The following LRMDA variants were observed in gnomAD, a reference collection of about 807,000 sequenced individuals.
The protein encoded by LRMDA is leucine rich melanocyte differentiation associated, also known as leucine-rich melanocyte differentiation-associated protein.
Under a neutral mutation model 29.8 loss-of-function variants are expected in LRMDA, and 18 were observed. The observed-to-expected ratio is 0.60, with a 90% CI of 0.42 to 0.90. The LOEUF (loss-of-function observed/expected upper bound fraction) is 0.90. Ranked by LOEUF, LRMDA falls within the 40% of genes least tolerant of loss-of-function variation. The pLI is 0.00. For synonymous variants in LRMDA, 125 were observed against 109.4 expected (o/e 1.14, Z -0.89); for missense variants, 273 against 273.9 (o/e 1.00, Z 0.02).
chr10:76,239,381 T>C (rs1009926780), intron 5 of LRMDA, among the ~76,000 whole-genome samples: 2 of 152,208 alleles, frequency 1.3e-5, no homozygotes, highest in East Asian at 1.9e-4. Context: ...AATAATTCCA[T>C]AGGGCTTTTC....
chr10:75,488,313 G>A (rs939836171), intron 2 of LRMDA, among the ~76,000 whole-genome samples: 1 of 151,900 alleles, frequency 6.6e-6, no homozygotes, highest in African/African-American at 2.4e-5. Flanking sequence ...TTTTGAAATC[G>A]TTAGCCTTCA....
In LRMDA at chr10:75,503,462, G is replaced by A. The variant is rs550031004; in HGVS notation, c.131+64968G>A. Among the ~76,000 whole-genome samples the A allele has an allele frequency of 2.0e-5, 3 of 151,760 alleles. No individual in the cohort carries two copies. The South Asian group carries it at 6.3e-4, about 32-fold the overall frequency. ...GGACTCAGACATTTAGGGGGAACTT[G>A]GCCACAGCCCCCATGATTTAGTTTT... On this transcript the variant is annotated intron_variant, in intron 2 of 6. Transcript: ENST00000611255.
intron 3 of LRMDA, among the ~76,000 whole-genome samples, chr10:76,046,014 T>C (rs1449656608): frequency 6.6e-6 from 1 of 152,240 alleles, no homozygotes; most frequent in Admixed American, 6.5e-5. Context: ...ACCCCACTTC[T>C]GGGAACTGTA....
intron 2 of LRMDA, among the ~76,000 whole-genome samples, chr10:75,805,551 G>A (rs1264430270): frequency 6.6e-6 from 1 of 152,184 alleles, no homozygotes; most frequent in Non-Finnish European, 1.5e-5. Flanking sequence ...TGGGGATTGG[G>A]TGTTGGTGGG....
At chr10:76,045,398 CCT>C (rs1848420472) in intron 3 of LRMDA, among the ~76,000 whole-genome samples, 1 of 148,122 alleles carries the variant, frequency 6.8e-6, no homozygotes, top group Non-Finnish European at 1.5e-5. Context: ...CTAGTTTCCC[CCT>C]CTCTTGTTAG....
At chr10:76,295,367 A>G (rs1009734223) in intron 5 of LRMDA, among the ~76,000 whole-genome samples, 6 of 152,170 alleles carry the variant, frequency 3.9e-5, no homozygotes, top group Admixed American at 1.3e-4. Flanking sequence ...GGATGCAAGG[A>G]CTCATTTGAA....
At chr10:75,913,440 A>G (rs1231924339) in intron 2 of LRMDA, among the ~76,000 whole-genome samples, 1 of 152,206 alleles carries the variant, frequency 6.6e-6, no homozygotes, top group Non-Finnish European at 1.5e-5. Flanking sequence ...TGGACGACAC[A>G]GCGAGACTCC....
At chr10:76,291,091 G>C (rs377521159) in intron 5 of LRMDA, among the ~76,000 whole-genome samples, 50 of 152,262 alleles carry the variant, frequency 3.3e-4, no homozygotes, top group African/African-American at 1.2e-3. Flanking sequence ...AGGAAACAAG[G>C]ATTTATTTTT....
At chr10:76,389,226 C>T (rs1319370969) in intron 6 of LRMDA, among the ~76,000 whole-genome samples, 3 of 152,058 alleles carry the variant, frequency 2.0e-5, no homozygotes, top group South Asian at 2.1e-4. Context: ...CAAGTGAGTA[C>T]GGCATATTCA....
At chr10:76,327,206 C>G (rs1840846362) in intron 6 of LRMDA, among the ~76,000 whole-genome samples, 1 of 151,904 alleles carries the variant, frequency 6.6e-6, no homozygotes, top group South Asian at 2.1e-4. Context: ...ATTCTCCTGC[C>G]TCAGCCTCCT....
chr10:76,304,081 G>A (rs1372410724), intron 5 of LRMDA, among the ~76,000 whole-genome samples: 3 of 152,126 alleles, frequency 2.0e-5, no homozygotes, highest in African/African-American at 4.8e-5. Context: ...AATGGTGTGC[G>A]TACCTGCACT....
chr10:75,791,754 A>G (rs1843568394), intron 2 of LRMDA, among the ~76,000 whole-genome samples: 1 of 151,040 alleles, frequency 6.6e-6, no homozygotes, highest in Non-Finnish European at 1.5e-5. Context: ...AAGGGCTGGG[A>G]TTCAGGAAAA....
chr10:76,557,387 G>A lies in LRMDA; in HGVS notation c.*99G>A, dbSNP rs958143790. ...TAAAGAAAAAACAATAGCCCACATT[G>A]CCTCTCTTTGGGAAAAGCTATGACT... On this transcript the variant is annotated 3_prime_UTR_variant, in exon 7 of 7. Transcript: ENST00000611255. The A allele has an allele frequency of 2.1e-6, 2 of 972,942 alleles. No homozygotes were observed. The highest frequency in any genetic ancestry group is 2.5e-4 in the Middle Eastern group (1 of 3,976). The allele number at this position is 972,942 out of a possible 1,614,324, so 60.3% of individuals were successfully genotyped here.
intron 2 of LRMDA, among the ~76,000 whole-genome samples, chr10:75,945,209 T>C (rs1267849828): frequency 6.6e-6 from 1 of 152,238 alleles, no homozygotes; most frequent in African/African-American, 2.4e-5. Flanking sequence ...AAATTACTAA[T>C]TGAGTCTCTC....
intron 2 of LRMDA, among the ~76,000 whole-genome samples, chr10:75,528,911 G>GA (rs778846746): frequency 3.9e-5 from 6 of 151,916 alleles, no homozygotes; most frequent in Non-Finnish European, 7.4e-5. Flanking sequence ...TACAGAATAA[G>GA]AAAAAAGCCC....
At chr10:75,953,040 C>T (rs553637567) in intron 2 of LRMDA, among the ~76,000 whole-genome samples, 50 of 152,144 alleles carry the variant, frequency 3.3e-4, no homozygotes, top group African/African-American at 1.1e-3. Flanking sequence ...TAGGTGTGAA[C>T]CACTGCACCC....
At position 76,453,728 on chromosome 10, in the gene LRMDA, T is replaced by C. The variant is rs115214752; in HGVS notation, c.602-103481T>C. Among the ~76,000 whole-genome samples, 1,439 of 152,328 alleles carry C rather than the reference T, an allele frequency of 9.4e-3. 20 individuals are homozygous for C. The highest frequency in any genetic ancestry group is 0.033 in the African/African-American group (1,383 of 41,578). On this transcript the variant is annotated intron_variant, in intron 6 of 6. Transcript: ENST00000611255. ...AAATAGAAGATCACATGGATTTTGA[T>C]GTAGCTCAGCAGTTGGATGTAGATT...
At chr10:76,269,817 T>G (rs1840046166) in intron 5 of LRMDA, among the ~76,000 whole-genome samples, 1 of 152,146 alleles carries the variant, frequency 6.6e-6, no homozygotes, top group Non-Finnish European at 1.5e-5. Context: ...AAGGTGGAAA[T>G]AAGTTCAGAG....
intron 6 of LRMDA, among the ~76,000 whole-genome samples, chr10:76,326,706 CCTTTA>C (rs1178876202): frequency 6.6e-6 from 1 of 152,152 alleles, no homozygotes; most frequent in Non-Finnish European, 1.5e-5. Context: ...TGCCATTTTC[CCTTTA>C]CTTGTCCTTT....
Sources: gnomAD v4.1 joint callset for allele counts (sites outside exome capture counted in the v4.1 genomes callset) on GRCh38, gnomAD v4.1.1 for gene constraint, MANE v1.5 for transcripts, NCBI Gene and HGNC (gene_info 2026-07-23, HGNC 2026-07-21) for gene names.